Variants in PCBP3 observed in about 807,000 individuals in gnomAD.
PCBP3 encodes poly(rC) binding protein 3.
In PCBP3, 25 loss-of-function variants were observed where a neutral mutation model predicts 52.7. That is an observed-to-expected ratio of 0.47 (90% CI 0.35 to 0.66). The LOEUF (loss-of-function observed/expected upper bound fraction) is 0.66. Ranked by LOEUF, PCBP3 falls within the 30% of genes least tolerant of loss-of-function variation. The pLI, the probability that PCBP3 is intolerant of heterozygous loss-of-function variation, is 0.01. For missense variants in PCBP3, 391 were observed against 490.3 expected (o/e 0.80, Z 1.91); for synonymous variants, 162 against 183.0 (o/e 0.89, Z 0.93).
chr21:45,681,615 C>T (rs2081855186), intron 2 of PCBP3, among the ~76,000 whole-genome samples: 2 of 152,156 alleles, frequency 1.3e-5, no homozygotes, highest in African/African-American at 2.4e-5. Context: ...TAAGCTGAAC[C>T]ATTGTAAGTC....
At chr21:45,687,126 A>G (rs1166268129) in intron 2 of PCBP3, among the ~76,000 whole-genome samples, 2 of 152,202 alleles carry the variant, frequency 1.3e-5, no homozygotes, top group Non-Finnish European at 2.9e-5. Context: ...AAATATAAGA[A>G]TGAATAGGCA....
chr21:45,757,491 T>G (rs1006636958), intron 4 of PCBP3, among the ~76,000 whole-genome samples: 3 of 152,230 alleles, frequency 2.0e-5, no homozygotes, highest in Non-Finnish European at 4.4e-5. Context: ...TTCATTTTCT[T>G]GGTAGTACCT....
intron 2 of PCBP3, among the ~76,000 whole-genome samples, chr21:45,697,140 A>G (rs2082828825): frequency 6.6e-6 from 1 of 152,358 alleles, no homozygotes; most frequent in Middle Eastern, 3.4e-3. Flanking sequence ...TTCTGGATAT[A>G]TGTGCAAGAG....
At chr21:45,899,859 G>A (rs546810022) in intron 7 of PCBP3, among the ~76,000 whole-genome samples, 15 of 152,272 alleles carry the variant, frequency 9.9e-5, no homozygotes, top group African/African-American at 3.1e-4. Flanking sequence ...TGGTCACCTC[G>A]CTGCCCCCTG....
At chr21:45,838,587 ATTATT>A (rs1324951928) in intron 4 of PCBP3, among the ~76,000 whole-genome samples, 2 of 152,152 alleles carry the variant, frequency 1.3e-5, no homozygotes, top group African/African-American at 4.8e-5. Flanking sequence ...TTAAGATTAC[ATTATT>A]TTAACTTAAA....
chr21:45,888,709 T>C (rs2015400), intron 5 of PCBP3, among the ~76,000 whole-genome samples: 40,744 of 152,274 alleles, frequency 0.27, 7,984 homozygotes, highest in African/African-American at 0.56. Context: ...TGAGTGAAGC[T>C]GAAATGAATA....
intron 15 of PCBP3, among the ~76,000 whole-genome samples, chr21:45,933,818 G>A (rs867457011): frequency 2.0e-5 from 3 of 152,168 alleles, no homozygotes; most frequent in Non-Finnish European, 4.4e-5. Flanking sequence ...GAGAGGTGGT[G>A]CCAGTACCAT....
At chr21:45,782,225 G>A (rs1224606543) in intron 4 of PCBP3, among the ~76,000 whole-genome samples, 3 of 152,086 alleles carry the variant, frequency 2.0e-5, no homozygotes, top group African/African-American at 7.2e-5. Context: ...TAGACCCAGA[G>A]ATGATTTGTA....
At chr21:45,916,211 G>T (rs1308161162) in intron 12 of PCBP3, 1 of 152,280 alleles carries the variant, frequency 6.6e-6, no homozygotes, top group Non-Finnish European at 1.5e-5. Flanking sequence ...GACAGTTGGG[G>T]CTGACCTGGG....
chr21:45,752,339 CT>C (rs926631056), intron 3 of PCBP3, among the ~76,000 whole-genome samples: 4 of 151,170 alleles, frequency 2.6e-5, no homozygotes, highest in Non-Finnish European at 4.4e-5. Flanking sequence ...TTATTTCTTC[CT>C]TTTTTTTCCA....
intron 2 of PCBP3, among the ~76,000 whole-genome samples, chr21:45,730,109 T>C (rs1270426789): frequency 6.6e-6 from 1 of 151,770 alleles, no homozygotes; most frequent in African/African-American, 2.4e-5. Flanking sequence ...TCTGTTTTAG[T>C]AAGCTTAGGT....
At chr21:45,725,036 T>G (rs761667854) in intron 2 of PCBP3, among the ~76,000 whole-genome samples, 9 of 151,216 alleles carry the variant, frequency 6.0e-5, no homozygotes, top group African/African-American at 9.7e-5. Context: ...TTTGCTTGGG[T>G]TTTTTTTTGC....
Position 45,871,211 on chromosome 21 carries a change from G to A in PCBP3, c.10+21116G>A, listed in dbSNP as rs867517725. ...CCTGGGAGAGACAGGCACCCCCCAG[G>A]GAAGGCCGTGCAGTCCAGTGCCCGG... On this transcript the variant is annotated intron_variant, in intron 5 of 17. Transcript: ENST00000681687. 7.0e-5 allele frequency: 12 copies of A among 170,806 alleles called. 1 individual carries two copies. The South Asian group carries it at 1.3e-3, about 19-fold the overall frequency. The allele number at this position is 170,806 out of a possible 1,614,324, so 10.6% of individuals were successfully genotyped here. A position where few individuals can be genotyped will look rare whatever the true frequency, so the allele number is the denominator to read the frequency against.
At chr21:45,806,503 T>C (rs2092506464) in intron 4 of PCBP3, among the ~76,000 whole-genome samples, 2 of 151,670 alleles carry the variant, frequency 1.3e-5, no homozygotes, top group African/African-American at 2.4e-5. Context: ...CCCCTTTTCT[T>C]ATCTCGTATT....
At chr21:45,691,424 A>C (rs555829687) in intron 2 of PCBP3, among the ~76,000 whole-genome samples, 3 of 136,396 alleles carry the variant, frequency 2.2e-5, no homozygotes, top group Non-Finnish European at 4.6e-5. Context: ...ATATATATAT[A>C]AAATATATAT....
At chr21:45,762,507 T>TTTTTTTTTTTTTG (rs2088805207) in intron 4 of PCBP3, 1 of 147,002 alleles carries the variant, frequency 6.8e-6, no homozygotes, top group Admixed American at 6.8e-5. Context: ...TTTTTTTTTT[T>TTTTTTTTTTTTTG]GAGACAGAGT....
In PCBP3 at chr21:45,904,435, G is replaced by C. The variant is rs920352969; in HGVS notation, c.339+3322G>C. Among the ~76,000 whole-genome samples, 2 of 152,176 alleles carry C rather than the reference G, an allele frequency of 1.3e-5. No homozygotes were observed. The highest frequency in any genetic ancestry group is 2.9e-5 in the Non-Finnish European group (2 of 68,038). On this transcript the variant is annotated intron_variant, in intron 9 of 17. Transcript: ENST00000681687. This position sits in a 1 kb window ranked among gnomAD's most constrained non-coding sequence, Gnocchi z 4.8. ...TTTTCCAGAAGACTGTGGATGCTCA[G>C]GAAGCTCGAGGGATTTGGAGTTTTC...
intron 6 of PCBP3, among the ~76,000 whole-genome samples, chr21:45,898,298 CCGTCCT>C (rs2095885788): frequency 2.9e-5 from 2 of 68,174 alleles, no homozygotes; most frequent in Non-Finnish European, 6.4e-5. Context: ...CCTCTGCACA[CCGTCCT>C]CACAGTCTCC....
chr21:45,815,163 T>TGATG (rs1356834857), intron 4 of PCBP3, among the ~76,000 whole-genome samples: 332 of 31,500 alleles, frequency 0.011, no homozygotes, highest in African/African-American at 0.018. Flanking sequence ...GAGTGGTGAG[T>TGATG]AGTGAGTGGT....
Sources: allele counts gnomAD v4.1 joint callset (sites outside exome capture counted in the v4.1 genomes callset), GRCh38; gene constraint gnomAD v4.1.1; non-coding constraint Gnocchi (gnomAD v3.1); transcripts MANE v1.5; gene names NCBI Gene and HGNC (gene_info 2026-07-23, HGNC 2026-07-21).